Variants in PAK5 observed in about 807,000 individuals in gnomAD.
PAK5 encodes the protein serine/threonine-protein kinase PAK 5.
In PAK5, 16 loss-of-function variants were observed where a neutral mutation model predicts 65.9. The observed-to-expected ratio is 0.24, with a 90% CI of 0.16 to 0.37. PAK5 has a LOEUF of 0.37. PAK5 is among the 10% of genes least tolerant of loss of function. The pLI is 1.00. For synonymous variants in PAK5, 371 were observed against 354.9 expected (o/e 1.05, Z -0.51); for missense variants, 785 against 903.9 (o/e 0.87, Z 1.69).
At chr20:9,745,553 A>G (rs2048497263) in intron 1 of PAK5, among the ~76,000 whole-genome samples, 1 of 152,152 alleles carries the variant, frequency 6.6e-6, no homozygotes, top group Non-Finnish European at 1.5e-5. Flanking sequence ...CTAATTTATT[A>G]GTGTTGCAAT....
At chr20:9,732,191 G>GT (rs5840327) in intron 1 of PAK5, among the ~76,000 whole-genome samples, 1 of 151,598 alleles carries the variant, frequency 6.6e-6, no homozygotes, top group Non-Finnish European at 1.5e-5. Context: ...GAAAGTTTAA[G>GT]TTAAAAAAAA....
chr20:9,826,559 G>A (rs895576714), intron 1 of PAK5, among the ~76,000 whole-genome samples: 3 of 152,028 alleles, frequency 2.0e-5, no homozygotes, highest in African/African-American at 4.8e-5. Context: ...AAAATCCCTG[G>A]CATTTATCAT....
intron 4 of PAK5, among the ~76,000 whole-genome samples, chr20:9,573,910 C>T (rs1009539061): frequency 6.6e-6 from 1 of 152,198 alleles, no homozygotes; most frequent in African/African-American, 2.4e-5. Flanking sequence ...AAAACAAAGA[C>T]TGCTCATCTC....
intron 7 of PAK5, among the ~76,000 whole-genome samples, chr20:9,545,818 A>G (rs771775822): frequency 2.6e-5 from 4 of 151,932 alleles, no homozygotes; most frequent in Non-Finnish European, 4.4e-5. Context: ...CCAAAAGCTG[A>G]CCCCTTTCCT....
intron 3 of PAK5, among the ~76,000 whole-genome samples, chr20:9,609,157 A>G (rs1314676899): frequency 6.6e-6 from 1 of 152,182 alleles, no homozygotes. Context: ...GGAAGGGGAA[A>G]GCACTTTACA....
chr20:9,812,130 C>T (rs1399476819), intron 1 of PAK5, among the ~76,000 whole-genome samples: 1 of 152,004 alleles, frequency 6.6e-6, no homozygotes, highest in Non-Finnish European at 1.5e-5. Context: ...CAACATGTGC[C>T]AATCACTATT....
chr20:9,633,708 A>G (rs1327589982), intron 3 of PAK5, among the ~76,000 whole-genome samples: 1 of 152,170 alleles, frequency 6.6e-6, no homozygotes, highest in East Asian at 1.9e-4. Context: ...GGAGGTACTC[A>G]CAGGAACCCT....
intron 7 of PAK5, among the ~76,000 whole-genome samples, chr20:9,554,502 A>G (rs1171799312): frequency 6.6e-6 from 1 of 152,210 alleles, no homozygotes; most frequent in African/African-American, 2.4e-5. Flanking sequence ...GGCATTATCT[A>G]ACCACAAGTC....
rs1237711669 is a variant in PAK5 at position 9,544,350 on chromosome 20, A to G, written c.1869+19T>C. 8 of 1,612,558 alleles carry G rather than the reference A, an allele frequency of 5.0e-6. No individual in the cohort carries two copies. The highest frequency in any genetic ancestry group is 2.2e-5 in the East Asian group (1 of 44,876). On this transcript the variant is annotated intron_variant, in intron 8 of 9. Transcript: ENST00000353224. ...GCCTGTCCCCAGTCCTGCCACGCCT[A>G]TGACTGTGACCCCCTTACCTCTGTC...
intron 1 of PAK5, among the ~76,000 whole-genome samples, chr20:9,781,903 C>T (rs766329958): frequency 1.3e-5 from 2 of 152,136 alleles, no homozygotes; most frequent in Non-Finnish European, 2.9e-5. Flanking sequence ...TCTCCCCTTT[C>T]CCCTATATAG....
rs559552549 is a variant in PAK5, at chr20:9,764,975, T to C, written c.-161-53540A>G. 2.6e-5 allele frequency among the ~76,000 whole-genome samples: 4 copies of C among 152,314 alleles called. No individual in the cohort carries two copies. In the South Asian group the frequency reaches 8.3e-4, roughly 32 times the overall value. On this transcript the variant is annotated intron_variant, in intron 1 of 9. Transcript: ENST00000353224. ...AGTTGGGAGGGACCCAGTACCTAGC[T>C]TTAGGCAATGACCTATGAGTGGAAT...
At chr20:9,837,544 C>G (rs887893381) in intron 1 of PAK5, among the ~76,000 whole-genome samples, 1 of 152,186 alleles carries the variant, frequency 6.6e-6, no homozygotes, top group African/African-American at 2.4e-5. Flanking sequence ...AACAGATACA[C>G]AAATCTAAGG....
intron 2 of PAK5, among the ~76,000 whole-genome samples, chr20:9,710,554 C>T (rs971765765): frequency 2.6e-5 from 4 of 152,190 alleles, no homozygotes; most frequent in African/African-American, 9.6e-5. Flanking sequence ...TCCAATGCCA[C>T]ATCCCTAAGC....
At chr20:9,762,510 T>A (rs1476649472) in intron 1 of PAK5, among the ~76,000 whole-genome samples, 1 of 151,958 alleles carries the variant, frequency 6.6e-6, no homozygotes, top group Non-Finnish European at 1.5e-5. Flanking sequence ...CCAACTATAT[T>A]AAAAGGCACC....
intron 3 of PAK5, among the ~76,000 whole-genome samples, chr20:9,620,432 C>T (rs1476224355): frequency 6.6e-6 from 1 of 152,240 alleles, no homozygotes; most frequent in African/African-American, 2.4e-5. Flanking sequence ...CCTCCATGTT[C>T]AACTCCAGGG....
chr20:9,552,966 A>G (rs2045452261), intron 7 of PAK5, among the ~76,000 whole-genome samples: 1 of 152,052 alleles, frequency 6.6e-6, no homozygotes, highest in Non-Finnish European at 1.5e-5. Flanking sequence ...GGCTCAAGCA[A>G]TCCTCTTGTC....
intron 3 of PAK5, among the ~76,000 whole-genome samples, chr20:9,641,544 C>G (rs192672696): frequency 2.0e-5 from 3 of 150,844 alleles, no homozygotes; most frequent in South Asian, 4.3e-4. Context: ...GATCCCGCAC[C>G]GGGGCTGCAG....
intron 3 of PAK5, among the ~76,000 whole-genome samples, chr20:9,626,267 A>G (rs1163392497): frequency 3.9e-5 from 6 of 152,202 alleles, no homozygotes; most frequent in Non-Finnish European, 7.3e-5. Flanking sequence ...GAAAAAGAAA[A>G]AAAAGAAAAA....
At chr20:9,822,247 C>T (rs990491974) in intron 1 of PAK5, among the ~76,000 whole-genome samples, 3 of 148,850 alleles carry the variant, frequency 2.0e-5, no homozygotes, top group South Asian at 2.1e-4. Context: ...TGAGATCCTG[C>T]CACTGCACTC....
Sources: allele counts gnomAD v4.1 joint callset (sites outside exome capture counted in the v4.1 genomes callset), GRCh38; gene constraint gnomAD v4.1.1; transcripts MANE v1.5; gene names NCBI Gene and HGNC (gene_info 2026-07-23, HGNC 2026-07-21).